The following KLB variants were observed in gnomAD, a reference collection of about 807,000 sequenced individuals.
KLB encodes beta-klotho.
Under a neutral mutation model 88.4 loss-of-function variants are expected in KLB, and 44 were observed. The ratio of observed to expected loss-of-function variants is 0.50; its 90% confidence interval spans 0.39 to 0.64. The LOEUF (loss-of-function observed/expected upper bound fraction) is 0.64. Ranked by LOEUF, KLB falls within the 30% of genes least tolerant of loss-of-function variation. The pLI, the probability that KLB is intolerant of heterozygous loss-of-function variation, is 0.00. For synonymous variants in KLB, 548 were observed against 513.4 expected (o/e 1.07, Z -0.91); for missense variants, 1,137 against 1,304.8 (o/e 0.87, Z 1.98).
intron 1 of KLB, among the ~76,000 whole-genome samples, chr4:39,426,525 T>C (rs1307827069): frequency 6.6e-6 from 1 of 151,810 alleles, no homozygotes; most frequent in Non-Finnish European, 1.5e-5. Context: ...TTAAATTCTT[T>C]CCTAAGAAAA....
At position 39,407,187 on chromosome 4, in the gene KLB, A is replaced by G; in HGVS notation, c.238A>G (p.Thr80Ala). 2 of 1,614,084 alleles carry G rather than the reference A, an allele frequency of 1.2e-6. No individual in the cohort carries two copies. The highest frequency in any genetic ancestry group is 8.5e-7 in the Non-Finnish European group (1 of 1,179,960). The change falls in exon 1 of 5, where the codon ACT (threonine) becomes GCT (alanine). Residue 80 changes from threonine to alanine, a missense_variant. Around this residue, in one of 4 missense-constraint regions of KLB, gnomAD observed 111 missense variants for 118.3 expected, o/e 0.94. Transcript: ENST00000257408. Reference protein sequence around the residue: ...VNESQLFLYDTFPKNFFWGIG... With the variant: ...VNESQLFLYDAFPKNFFWGIG... ...TGAAAGTCAGCTGTTTCTCTATGACACTTTCCCTAAAAACTTTTTCTGGGG... is the reference window on the plus strand; with the variant it reads ...TGAAAGTCAGCTGTTTCTCTATGACGCTTTCCCTAAAAACTTTTTCTGGGG...
chr4:39,411,486 A>G (rs1417170114), intron 1 of KLB, among the ~76,000 whole-genome samples: 1 of 148,944 alleles, frequency 6.7e-6, no homozygotes, highest in African/African-American at 2.5e-5. Context: ...TTTTAACAGC[A>G]TTTGAAATAG....
chr4:39,409,739 A>G (rs1742800072), intron 1 of KLB, among the ~76,000 whole-genome samples: 1 of 151,720 alleles, frequency 6.6e-6, no homozygotes, highest in Admixed American at 6.6e-5. Flanking sequence ...CAGCCTCGCC[A>G]ACATAGTGAA....
At position 39,447,210 on chromosome 4, in the gene KLB, T is replaced by G. The variant is rs753443383; in HGVS notation, c.2484T>G (p.Thr828=). 2.5e-6 allele frequency: 4 copies of G among 1,613,914 alleles called. No homozygotes were observed. In the South Asian group the frequency reaches 4.4e-5, roughly 18 times the overall value. ...TCTGCGCGCTCAACCACTTCACCAC[T>G]AGGTTCGTGATGCACGAGCAGCTGG... is the stretch of plus-strand genomic sequence containing the variant. ...VDFCALNHFT[T]RFVMHEQLAG... Residue 828 remains threonine, a synonymous_variant, in exon 4 of 5, where the codon ACT becomes ACG. Transcript: ENST00000257408.
intron 1 of KLB, among the ~76,000 whole-genome samples, chr4:39,427,805 C>T (rs949247838): frequency 6.6e-6 from 1 of 152,176 alleles, no homozygotes; most frequent in Non-Finnish European, 1.5e-5. Flanking sequence ...ATTATTGCCT[C>T]ATTTGACGTT....
At chr4:39,426,438 AGGGCCATGAAATTTGGACCATT>A (rs1743219586) in intron 1 of KLB, among the ~76,000 whole-genome samples, 4 of 50,648 alleles carry the variant, frequency 7.9e-5, no homozygotes, top group Non-Finnish European at 9.9e-5. Context: ...AAAAAAAAAA[AGGGCCATGAAATTTGGACCATT>A]AAAAATAGGA....
At chr4:39,417,290 T>G (rs1011327682) in intron 1 of KLB, among the ~76,000 whole-genome samples, 1 of 151,756 alleles carries the variant, frequency 6.6e-6, no homozygotes. Flanking sequence ...CCCTCCCACA[T>G]CAAAAAAGTG....
In KLB at chr4:39,446,673, A is replaced by C; in HGVS notation, c.1947A>C (p.Leu649=). 1 of 1,611,952 alleles carries C rather than the reference A, an allele frequency of 6.2e-7. No individual in the cohort carries two copies. The highest frequency in any genetic ancestry group is 8.5e-7 in the Non-Finnish European group (1 of 1,178,934). Residue 649 remains leucine, a synonymous_variant, in exon 4 of 5, where the codon CTA becomes CTC. Transcript: ENST00000257408. The surrounding 1 kb of genome is among the most constrained non-coding windows in gnomAD (Gnocchi z 6.4). ...VTLYYPTHAH[L]GLPEPLLHAD... ...TGTATTATCCGACCCACGCCCACCT[A>C]GGCCTCCCCGAGCCTCTGTTGCATG...
intron 1 of KLB, among the ~76,000 whole-genome samples, chr4:39,422,118 C>CTTGCA (rs1217452630): frequency 6.6e-6 from 1 of 152,116 alleles, no homozygotes; most frequent in African/African-American, 2.4e-5. Context: ...TTGCATACCC[C>CTTGCA]TTGCATTTTC....
intron 3 of KLB, among the ~76,000 whole-genome samples, chr4:39,438,486 C>T (rs1743529377): frequency 6.6e-6 from 1 of 152,088 alleles, no homozygotes; most frequent in Non-Finnish European, 1.5e-5. Flanking sequence ...CCTCAAAAGT[C>T]ACCTTCTCCA....
chr4:39,418,814 G>A (rs188017157), intron 1 of KLB, among the ~76,000 whole-genome samples: 388 of 151,760 alleles, frequency 2.6e-3, no homozygotes, highest in African/African-American at 8.9e-3. Flanking sequence ...TGGGTGTGGT[G>A]GTGCAAGCCT....
In KLB at chr4:39,407,485, T is replaced by C. The variant is rs1252152398; in HGVS notation, c.536T>C (p.Leu179Pro). 1 of 1,614,230 alleles carries C rather than the reference T, an allele frequency of 6.2e-7. No homozygotes were observed. The highest frequency in any genetic ancestry group is 8.5e-7 in the Non-Finnish European group (1 of 1,180,024). ...GGTCTGCAGTACTACAGTACTCTTC[T>C]GGACGCTCTAGTGCTTAGAAACATT... ...AKGLQYYSTL[L>P]DALVLRNIEP... The change falls in exon 1 of 5, where the codon CTG (leucine) becomes CCG (proline). Residue 179 changes from leucine to proline, a missense_variant. Physicochemically the swap from Leu to Pro is moderately conservative, Grantham distance 98 (BLOSUM62 -3). Coordinates refer to ENST00000257408, the MANE Select transcript of KLB (RefSeq NM_175737.4).
rs993680145 is a variant in KLB at position 39,434,416 on chromosome 4, G to A, written c.1032G>A (p.Met344Ile). ...GGGATGGCGACTATCCAGAGGGGAT[G>A]AGAAAGAAGTTGTTCTCCGTTCTAC... Reference protein sequence around the residue: ...IHGDGDYPEGMRKKLFSVLPI... With the variant: ...IHGDGDYPEGIRKKLFSVLPI... Residue 344 changes from methionine to isoleucine, a missense_variant, in exon 2 of 5, where the codon ATG becomes ATA. Met to Ile is a conservative substitution (Grantham distance 10, BLOSUM62 1). Transcript: ENST00000257408. 8.1e-6 allele frequency: 13 copies of A among 1,614,050 alleles called. No individual in the cohort carries two copies. Among genetic ancestry groups the A allele is most frequent in the Non-Finnish European group, 1.1e-5 (13 of 1,180,010 alleles).
intron 2 of KLB, 74 bp downstream of exon 2, chr4:39,434,794 G>A: frequency 8.9e-7 from 1 of 1,120,892 alleles, no homozygotes; most frequent in Non-Finnish European, 1.3e-6. Flanking sequence ...CTTTGAATAT[G>A]TAACTATTAT....
intron 1 of KLB, among the ~76,000 whole-genome samples, chr4:39,427,074 T>C (rs556772083): frequency 1.3e-5 from 2 of 152,280 alleles, no homozygotes; most frequent in Non-Finnish European, 2.9e-5. Context: ...TAAAAGTTGA[T>C]AGTAGGCTGG....
chr4:39,425,472 C>A (rs923475618), intron 1 of KLB, among the ~76,000 whole-genome samples: 3 of 152,142 alleles, frequency 2.0e-5, no homozygotes, highest in Non-Finnish European at 4.4e-5. Context: ...CTCTGTCACC[C>A]GGGCTGGAGT....
At position 39,448,456 on chromosome 4, in the gene KLB, T is replaced by G. The variant is rs1743811513; in HGVS notation, c.2905T>G (p.Phe969Val). The G allele has an allele frequency of 1.9e-6, 3 of 1,614,122 alleles. No homozygotes were observed. In the East Asian group the frequency reaches 6.7e-5, roughly 36 times the overall value. Residue 969 changes from phenylalanine (F) to valine (V), a missense_variant, in exon 5 of 5, where the codon TTT becomes GTT. Coordinates refer to ENST00000257408, the MANE Select transcript of KLB (RefSeq NM_175737.4). ...NKVISSRGFP[F>V]ENSSSRCSQT... ...AGTGATCAGCAGCAGGGGCTTCCCT[T>G]TTGAGAACAGTAGTTCTAGATGCAG...
At chr4:39,444,021 G>A (rs926572775) in intron 3 of KLB, among the ~76,000 whole-genome samples, 14 of 151,930 alleles carry the variant, frequency 9.2e-5, no homozygotes, top group African/African-American at 3.4e-4. Context: ...GCCAGGCATG[G>A]TGGCTGGCAT....
In KLB at chr4:39,447,485, G is replaced by C; in HGVS notation, c.2749+10G>C. On this transcript the variant is annotated intron_variant, in intron 4 of 4. Coordinates refer to ENST00000257408, the MANE Select transcript of KLB (RefSeq NM_175737.4). ...CAGGAGGTGCTGAAAGGTAAGGGCG[G>C]GGCCCCTTCAGACACAGGGCAGAGC... 1.3e-6 allele frequency: 2 copies of C among 1,547,860 alleles called. No individual in the cohort carries two copies. Among genetic ancestry groups the C allele is most frequent in the Non-Finnish European group, 1.7e-6 (2 of 1,147,720 alleles).
Sources: gnomAD v4.1 joint callset for allele counts (sites outside exome capture counted in the v4.1 genomes callset) on GRCh38, gnomAD v4.1.1 for gene constraint, gnomAD v4.1.1 regional missense constraint, Gnocchi (gnomAD v3.1) non-coding constraint, MANE v1.5 for transcripts, NCBI Gene and HGNC (gene_info 2026-07-23, HGNC 2026-07-21) for gene names.